The following ZDHHC14 variants were observed in gnomAD, a reference collection of about 807,000 sequenced individuals.
ZDHHC14 encodes zDHHC palmitoyltransferase 14, also known as palmitoyltransferase ZDHHC14.
In ZDHHC14, 16 loss-of-function variants were observed where a neutral mutation model predicts 47.7. That is an observed-to-expected ratio of 0.34 (90% CI 0.23 to 0.51). The LOEUF is 0.51. Ranked by LOEUF, ZDHHC14 falls within the 20% of genes least tolerant of loss-of-function variation. The pLI is 0.97. For synonymous variants in ZDHHC14, 293 were observed against 278.9 expected (o/e 1.05, Z -0.50); for missense variants, 515 against 662.5 (o/e 0.78, Z 2.44).
chr6:157,479,024 G>A (rs1779555525), intron 1 of ZDHHC14, among the ~76,000 whole-genome samples: 1 of 152,180 alleles, frequency 6.6e-6, no homozygotes, highest in African/African-American at 2.4e-5. Context: ...TCAGCCAACT[G>A]TGTTGGGCTG....
intron 1 of ZDHHC14, among the ~76,000 whole-genome samples, chr6:157,535,345 T>A (rs1781509111): frequency 6.6e-6 from 1 of 152,158 alleles, no homozygotes; most frequent in Admixed American, 6.5e-5. Flanking sequence ...TAAGTGACAT[T>A]CCTCGACTCG....
Position 157,676,875 on chromosome 6 carries a change from A to C in ZDHHC14, c.*3753A>C, listed in dbSNP as rs1200883491. The C allele has an allele frequency of 1.3e-5, 2 of 152,282 alleles. No homozygotes were observed. The highest frequency in any genetic ancestry group is 4.8e-5 in the African/African-American group (2 of 41,460). The allele number at this position is 152,282 out of a possible 1,614,324, so 9.4% of individuals were successfully genotyped here. ...CTTCTCAGCCTCGGCTTAGGGTCTTAAGTTCACCAGAAGGGATCGGGGTTT... is the reference window on the plus strand; with the variant it reads ...CTTCTCAGCCTCGGCTTAGGGTCTTCAGTTCACCAGAAGGGATCGGGGTTT... On this transcript the variant is annotated 3_prime_UTR_variant, in exon 9 of 9. Coordinates refer to ENST00000359775, the MANE Select transcript of ZDHHC14 (RefSeq NM_024630.3).
chr6:157,676,489 C>G lies in ZDHHC14; in HGVS notation c.*3367C>G, dbSNP rs1469525092. 2 of 152,458 alleles carry G rather than the reference C, an allele frequency of 1.3e-5. No homozygotes were observed. Among genetic ancestry groups the G allele is most frequent in the African/African-American group, 4.8e-5 (2 of 41,462 alleles). 9.4% of individuals were successfully genotyped at this position (152,458 alleles called of 1,614,324 possible). A position where few individuals can be genotyped will look rare whatever the true frequency, so the allele number is the denominator to read the frequency against. ...CTGTGGTTCCAAGTGAGGAGCAAAC[C>G]CATTTTATGAGCCATGTTCCTGCGG... On this transcript the variant is annotated 3_prime_UTR_variant, in exon 9 of 9. Transcript: ENST00000359775.
chr6:157,568,317 T>A (rs1782981676), intron 2 of ZDHHC14, among the ~76,000 whole-genome samples: 1 of 152,202 alleles, frequency 6.6e-6, no homozygotes, highest in Non-Finnish European at 1.5e-5. Flanking sequence ...ATATTAAAGG[T>A]ACTTAATTAA....
At chr6:157,620,322 G>A (rs932586812) in intron 3 of ZDHHC14, among the ~76,000 whole-genome samples, 1 of 152,094 alleles carries the variant, frequency 6.6e-6, no homozygotes, top group Non-Finnish European at 1.5e-5. Context: ...AGCCATGAAG[G>A]CCTCACCCTG....
chr6:157,452,653 G>A (rs1317579588), intron 1 of ZDHHC14, among the ~76,000 whole-genome samples: 1 of 139,072 alleles, frequency 7.2e-6, no homozygotes, highest in Non-Finnish European at 1.5e-5. Flanking sequence ...AAGGAAAGGT[G>A]TTTGGCAAAT....
chr6:157,485,903 C>T (rs1401629288), intron 1 of ZDHHC14, among the ~76,000 whole-genome samples: 1 of 152,176 alleles, frequency 6.6e-6, no homozygotes, highest in Non-Finnish European at 1.5e-5. Flanking sequence ...ATCCCAGCTA[C>T]TCGGGAGGCT....
chr6:157,673,044 G>C lies in ZDHHC14; in HGVS notation c.1389G>C (p.Met463Ile). The change falls in exon 9 of 9, where the codon ATG becomes ATC. Residue 463 changes from methionine to isoleucine, a missense_variant. By Grantham distance (10) the Met-to-Ile change is conservative. This residue lies in a region of ZDHHC14 where 221 missense variants were observed against 233.6 expected (regional missense o/e 0.95). Coordinates refer to ENST00000359775, the MANE Select transcript of ZDHHC14 (RefSeq NM_024630.3). This position sits in a 1 kb window ranked among gnomAD's most constrained non-coding sequence, Gnocchi z 5.4. ...GCCCCCTGGCGCACAGCCGCACCAT[G>C]CACGTGCTGGGCCTGGCCAGCCAGG... The part of the protein sequence containing the change: ...AGSPLAHSRT[M>I]HVLGLASQDS... 1 of 1,566,628 alleles carries C rather than the reference G, an allele frequency of 6.4e-7. No individual in the cohort carries two copies. The highest frequency in any genetic ancestry group is 1.2e-5 in the South Asian group (1 of 86,430).
chr6:157,456,789 C>T (rs764640636), intron 1 of ZDHHC14, among the ~76,000 whole-genome samples: 34 of 152,166 alleles, frequency 2.2e-4, no homozygotes, highest in Admixed American at 3.9e-4. Context: ...TTCTGTCCAC[C>T]TCTTTTTGAA....
intron 5 of ZDHHC14, among the ~76,000 whole-genome samples, chr6:157,643,141 G>C (rs139848923): frequency 6.6e-6 from 1 of 152,316 alleles, no homozygotes; most frequent in African/African-American, 2.4e-5. Flanking sequence ...AAGCAGAACA[G>C]GACCTGACAC....
In ZDHHC14 at chr6:157,502,314, G is replaced by A. The variant is rs1199034273; in HGVS notation, c.246-40271G>A. 1.3e-5 allele frequency among the ~76,000 whole-genome samples: 2 copies of A among 152,232 alleles called. No individual in the cohort carries two copies. The highest frequency in any genetic ancestry group is 2.9e-5 in the Non-Finnish European group (2 of 68,038). On this transcript the variant is annotated intron_variant, in intron 1 of 8. Transcript: ENST00000359775. The surrounding 1 kb of genome is among the most constrained non-coding windows in gnomAD (Gnocchi z 4.0). The stretch of plus-strand genomic sequence containing the variant: ...GCATGTAAGCAAGGACACCGTGACT[G>A]TATGTGAGCCAAAAGTGTCCCCATA...
chr6:157,588,003 C>T (rs1477628047), intron 2 of ZDHHC14, among the ~76,000 whole-genome samples: 1 of 152,044 alleles, frequency 6.6e-6, no homozygotes, highest in African/African-American at 2.4e-5. Context: ...GCCTGTGATC[C>T]CAGCACTTTA....
intron 3 of ZDHHC14, among the ~76,000 whole-genome samples, chr6:157,610,335 G>A (rs1340395802): frequency 6.6e-6 from 1 of 152,190 alleles, no homozygotes; most frequent in Non-Finnish European, 1.5e-5. Flanking sequence ...GGGAGGCTGA[G>A]GCAGGAGAAT....
chr6:157,456,268 C>T (rs1333468181), intron 1 of ZDHHC14, among the ~76,000 whole-genome samples: 4 of 152,164 alleles, frequency 2.6e-5, no homozygotes, highest in Non-Finnish European at 5.9e-5. Flanking sequence ...GTCCTGTTAG[C>T]CCTTCGATTT....
At chr6:157,650,486 C>T (rs1777779182) in intron 7 of ZDHHC14, among the ~76,000 whole-genome samples, 1 of 151,984 alleles carries the variant, frequency 6.6e-6, no homozygotes, top group Non-Finnish European at 1.5e-5. Context: ...CACTGGGAGC[C>T]CAGCTGCTAC....
intron 3 of ZDHHC14, among the ~76,000 whole-genome samples, chr6:157,614,873 C>T (rs1345722739): frequency 1.3e-5 from 2 of 151,858 alleles, no homozygotes; most frequent in South Asian, 2.1e-4. Context: ...CAGGTTCAAG[C>T]GATTCTCATG....
chr6:157,519,789 G>A (rs1182184312), intron 1 of ZDHHC14, among the ~76,000 whole-genome samples: 1 of 152,186 alleles, frequency 6.6e-6, no homozygotes, highest in Non-Finnish European at 1.5e-5. Context: ...CATCTCTTGA[G>A]CATCTGACAG....
intron 3 of ZDHHC14, among the ~76,000 whole-genome samples, chr6:157,599,519 T>G (rs1784263253): frequency 6.6e-6 from 1 of 152,194 alleles, no homozygotes. Flanking sequence ...GCATCTATAA[T>G]GAGGATGGGA....
chr6:157,647,766 T>C (rs1777634468), intron 7 of ZDHHC14, among the ~76,000 whole-genome samples: 2 of 152,188 alleles, frequency 1.3e-5, no homozygotes, highest in Non-Finnish European at 2.9e-5. Context: ...GAAAGTTGAT[T>C]TGCACACAAT....
Sources: gnomAD v4.1 joint callset for allele counts (sites outside exome capture counted in the v4.1 genomes callset) on GRCh38, gnomAD v4.1.1 for gene constraint, gnomAD v4.1.1 regional missense constraint, Gnocchi (gnomAD v3.1) non-coding constraint, MANE v1.5 for transcripts, NCBI Gene and HGNC (gene_info 2026-07-23, HGNC 2026-07-21) for gene names.